Variants in AGBL4 observed in about 807,000 individuals in gnomAD.
AGBL4 encodes cytosolic carboxypeptidase 6.
AGBL4 carries 58 observed loss-of-function variants against 66.4 expected under a neutral mutation model. That is an observed-to-expected ratio of 0.87 (90% confidence interval 0.71 to 1.09). The LOEUF (loss-of-function observed/expected upper bound fraction) is 1.09, where lower values mean the gene tolerates loss of function less well. Ranked by LOEUF, AGBL4 falls within the 50% of genes least tolerant of loss-of-function variation. The pLI, the probability that AGBL4 is intolerant of heterozygous loss-of-function variation, is 0.00. For synonymous variants in AGBL4, 234 were observed against 222.9 expected, an observed-to-expected ratio of 1.05 and a Z score of -0.44; for missense variants, 579 against 631.0, an observed-to-expected ratio of 0.92 and a Z score of 0.88.
intron 2 of AGBL4, among the ~76,000 whole-genome samples, chr1:49,790,391 G>C (rs977872710): frequency 1.4e-5 from 2 of 147,580 alleles, no homozygotes; most frequent in African/African-American, 5.0e-5. Context: ...AAGAAGCTCA[G>C]TAAACCCCAA....
At chr1:49,680,910 T>A (rs958293839) in intron 3 of AGBL4, among the ~76,000 whole-genome samples, 1 of 151,834 alleles carries the variant, frequency 6.6e-6, no homozygotes, top group African/African-American at 2.4e-5. Flanking sequence ...TTTTTTTTTT[T>A]AAACTATTGT....
intron 2 of AGBL4, among the ~76,000 whole-genome samples, chr1:49,835,403 T>C (rs1645820095): frequency 6.6e-6 from 1 of 152,208 alleles, no homozygotes; most frequent in African/African-American, 2.4e-5. Flanking sequence ...CCCCTGCTTT[T>C]TTTTCCTATC....
intron 2 of AGBL4, among the ~76,000 whole-genome samples, chr1:49,841,575 C>T (rs1645990536): frequency 1.3e-5 from 2 of 152,086 alleles, no homozygotes; most frequent in African/African-American, 4.8e-5. Flanking sequence ...AGAAATCATA[C>T]TATCTAACTT....
At chr1:49,965,224 G>A (rs923135574) in intron 1 of AGBL4, among the ~76,000 whole-genome samples, 2 of 152,082 alleles carry the variant, frequency 1.3e-5, no homozygotes, top group East Asian at 1.9e-4. Flanking sequence ...ATATGCATAC[G>A]TACATGACAC....
chr1:49,999,365 C>T (rs1660584438), intron 1 of AGBL4, among the ~76,000 whole-genome samples: 1 of 151,298 alleles, frequency 6.6e-6, no homozygotes, highest in South Asian at 2.1e-4. Context: ...CAGAATTATA[C>T]CTAACCAAGG....
rs1373703043 is a variant in AGBL4 at position 48,534,156 on chromosome 1, C to T, written c.*17G>A. The T allele has an allele frequency of 6.4e-7, 1 of 1,551,420 alleles. No individual in the cohort carries two copies. Among genetic ancestry groups the T allele is most frequent in the South Asian group, 1.2e-5 (1 of 84,060 alleles). Reference sequence around the variant, plus strand: ...GCATGCTCCTGTCCCCATAAGACCTCCCAGGACTCCGTGTCTTTAAAAAGG... The same window carrying T: ...GCATGCTCCTGTCCCCATAAGACCTTCCAGGACTCCGTGTCTTTAAAAAGG... On this transcript the variant is annotated 3_prime_UTR_variant, in exon 14 of 14. Transcript: ENST00000371839.
chr1:49,715,133 A>G (rs1001668587), intron 2 of AGBL4, among the ~76,000 whole-genome samples: 1 of 151,912 alleles, frequency 6.6e-6, no homozygotes, highest in Non-Finnish European at 1.5e-5. Context: ...CAGCCCCAAC[A>G]GGCTCTGGTG....
At chr1:49,619,415 A>T (rs1190774408) in intron 3 of AGBL4, among the ~76,000 whole-genome samples, 1 of 152,194 alleles carries the variant, frequency 6.6e-6, no homozygotes, top group Non-Finnish European at 1.5e-5. Flanking sequence ...CTTACAAGGG[A>T]TGTGAAGGAC....
At chr1:49,296,201 A>G (rs966694233) in intron 3 of AGBL4, among the ~76,000 whole-genome samples, 1 of 152,162 alleles carries the variant, frequency 6.6e-6, no homozygotes, top group African/African-American at 2.4e-5. Flanking sequence ...CCTAACAACA[A>G]TGCTGCAATG....
intron 3 of AGBL4, among the ~76,000 whole-genome samples, chr1:49,553,190 T>C (rs1024949316): frequency 6.6e-6 from 1 of 152,242 alleles, no homozygotes; most frequent in Non-Finnish European, 1.5e-5. Flanking sequence ...TGAAATTTCA[T>C]TGTGTTTAAT....
chr1:49,179,785 A>G (rs904758307), intron 4 of AGBL4, among the ~76,000 whole-genome samples: 5 of 152,208 alleles, frequency 3.3e-5, no homozygotes, highest in East Asian at 3.8e-4. Context: ...GATAAAGCCA[A>G]TGAAGCAGTT....
intron 3 of AGBL4, among the ~76,000 whole-genome samples, chr1:49,466,072 G>C (rs1032114246): frequency 6.6e-6 from 1 of 151,790 alleles, no homozygotes; most frequent in African/African-American, 2.4e-5. Context: ...AGCAATCCCA[G>C]GTTCATATAT....
In AGBL4 at chr1:49,133,424, C is replaced by A. The variant is rs142630489; in HGVS notation, c.378-87624G>T. ...AAAATAAATTCTTAAGAAAAATAAA[C>A]ACAGTTTTACAGATTTGAACAGCCA... On this transcript the variant is annotated intron_variant, in intron 4 of 13. Transcript: ENST00000371839. Among the ~76,000 whole-genome samples, 1,155 of 152,150 alleles carry A rather than the reference C, an allele frequency of 7.6e-3. 18 individuals carry two copies. The highest frequency in any genetic ancestry group is 0.026 in the African/African-American group (1,092 of 41,542).
At chr1:49,409,911 T>C (rs563672950) in intron 3 of AGBL4, among the ~76,000 whole-genome samples, 1 of 152,302 alleles carries the variant, frequency 6.6e-6, no homozygotes, top group East Asian at 1.9e-4. Flanking sequence ...TTGAAAAATA[T>C]CTGGTCTGAG....
intron 5 of AGBL4, among the ~76,000 whole-genome samples, chr1:48,953,057 A>C (rs1452430673): frequency 6.6e-6 from 1 of 152,124 alleles, no homozygotes; most frequent in Admixed American, 6.5e-5. Context: ...AGGATGTCTG[A>C]GGATCAACTG....
chr1:48,679,520 C>G (rs1317188310), intron 6 of AGBL4, among the ~76,000 whole-genome samples: 1 of 152,080 alleles, frequency 6.6e-6, no homozygotes, highest in African/African-American at 2.4e-5. Context: ...CTCCACCTCT[C>G]CCTCCCAGCC....
intron 4 of AGBL4, among the ~76,000 whole-genome samples, chr1:49,204,937 G>T (rs1436430780): frequency 1.3e-5 from 2 of 152,084 alleles, no homozygotes; most frequent in Non-Finnish European, 2.9e-5. Flanking sequence ...ATTGCCCAGG[G>T]TCATACAGCT....
chr1:49,254,279 C>T (rs1300582606), intron 3 of AGBL4, among the ~76,000 whole-genome samples: 1 of 152,032 alleles, frequency 6.6e-6, no homozygotes. Flanking sequence ...TCATCTCAGC[C>T]CAAAAGTTGC....
At chr1:48,692,503 T>A (rs1332257533) in intron 6 of AGBL4, among the ~76,000 whole-genome samples, 1 of 152,168 alleles carries the variant, frequency 6.6e-6, no homozygotes, top group African/African-American at 2.4e-5. Context: ...GAGCGTGGGC[T>A]GGCCACCCCC....
Sources: allele counts gnomAD v4.1 joint callset (sites outside exome capture counted in the v4.1 genomes callset), GRCh38; gene constraint gnomAD v4.1.1; transcripts MANE v1.5; gene names NCBI Gene and HGNC (gene_info 2026-07-23, HGNC 2026-07-21).